Variants in TPSG1 observed in about 807,000 individuals in gnomAD.
TPSG1 encodes the protein tryptase gamma.
In TPSG1, 43 loss-of-function variants were observed where a neutral mutation model predicts 23.8. That is an observed-to-expected ratio of 1.81 (90% confidence interval 1.42 to 2.33). The LOEUF (loss-of-function observed/expected upper bound fraction) is 2.33. TPSG1 is among the 30% of genes most tolerant of loss of function. The probability of loss-of-function intolerance (pLI) is 0.00; values close to 1 mark genes in which losing one functional copy is unlikely to be tolerated. For synonymous variants in TPSG1, 302 were observed against 201.3 expected (o/e 1.50, Z -4.23); for missense variants, 623 against 438.6 (o/e 1.42, Z -3.75).
chr16:1,225,036 A>T (rs2030072714), intron 1 of TPSG1, among the ~76,000 whole-genome samples, 171 bp downstream of exon 1: 1 of 150,408 alleles, frequency 6.6e-6, no homozygotes, highest in Non-Finnish European at 1.5e-5. Flanking sequence ...CAGCACGGAC[A>T]GCTGGGCCTC....
intron 1 of TPSG1, 149 bp from the exon 2 acceptor site, chr16:1,224,777 T>C: frequency 1.1e-6 from 1 of 932,814 alleles, no homozygotes; most frequent in South Asian, 1.6e-5. Context: ...CTGGGTCAAC[T>C]GCTGTCTCAC....
rs201032433 is a variant in TPSG1 at position 1,222,349 on chromosome 16, G to C, written c.512-8C>G. The C allele has an allele frequency of 3.8e-6, 6 of 1,578,794 alleles. No homozygotes were observed. The highest frequency in any genetic ancestry group is 2.3e-5 in the East Asian group (1 of 44,382). Reference sequence around the variant, plus strand: ...ACGGGGGTGGCAGAGGCTCTGGGGTGGGGGGAACAGGCTTCAGAGAAGGTT... The same window carrying C: ...ACGGGGGTGGCAGAGGCTCTGGGGTCGGGGGAACAGGCTTCAGAGAAGGTT... On this transcript the variant is annotated splice_polypyrimidine_tract_variant and splice_region_variant and intron_variant, in intron 4 of 5. Coordinates refer to ENST00000234798, the MANE Select transcript of TPSG1 (RefSeq NM_012467.4).
chr16:1,222,209 C>G lies in TPSG1; in HGVS notation c.644G>C (p.Gly215Ala), dbSNP rs758934321. ...QPDMLCARGP[G>A]DACQDDSGGP... ...TGGCAGGCTCACCTGGCAGGCATCC[C>G]CGGGGCCCCGGGCACACAGCATGTC... The change falls in exon 5 of 6, where the codon GGG becomes GCG. Residue 215 changes from glycine (G) to alanine (A), a missense_variant. By Grantham distance (60) the Gly-to-Ala change is moderately conservative (BLOSUM62 0). Coordinates refer to ENST00000234798, the MANE Select transcript of TPSG1 (RefSeq NM_012467.4). 4 of 1,611,486 alleles carry G rather than the reference C, an allele frequency of 2.5e-6. No homozygotes were observed. Among genetic ancestry groups the G allele is most frequent in the African/African-American group, 2.7e-5 (2 of 74,904 alleles).
Position 1,222,067 on chromosome 16 carries a change from C to T in TPSG1, c.687G>A (p.Gln229=). ...CAGCCTGCACCCAGGCACCGTTCACCTGGCAGACCAGAGGCCCCCCGGAGT... is the reference window on the plus strand; with the variant it reads ...CAGCCTGCACCCAGGCACCGTTCACTTGGCAGACCAGAGGCCCCCCGGAGT... ...QDDSGGPLVC[Q]VNGAWVQAGT... The change falls in exon 6 of 6, where the codon CAG becomes CAA. Residue 229 remains glutamine, a synonymous_variant. Transcript: ENST00000234798. 2 of 1,612,834 alleles carry T rather than the reference C, an allele frequency of 1.2e-6. No homozygotes were observed. The highest frequency in any genetic ancestry group is 1.7e-6 in the Non-Finnish European group (2 of 1,180,004).
At position 1,225,208 on chromosome 16, in the gene TPSG1, G is replaced by A. The variant is rs200447029; in HGVS notation, c.45C>T (p.Pro15=). ...CCACACCCAGGCCAGGTCACCCACC[G>A]GGCACAGCCAGGAGCAGCAGGAGGC... ...ACGLLLLLAV[P]GVSLRTLQPG... Residue 15 remains proline (P), a splice_region_variant and synonymous_variant, in exon 1 of 6, where the codon CCC becomes CCT. Coordinates refer to ENST00000234798, the MANE Select transcript of TPSG1 (RefSeq NM_012467.4). 3.0e-4 allele frequency: 468 copies of A among 1,576,780 alleles called. 1 individual carries two copies. Among genetic ancestry groups the A allele is most frequent in the Admixed American group, 1.2e-3 (66 of 54,580 alleles).
chr16:1,222,794 G>A lies in TPSG1; in HGVS notation c.369C>T (p.Ser123=), dbSNP rs371806021. 5.1e-5 allele frequency: 82 copies of A among 1,612,136 alleles called. No individual in the cohort carries two copies. The highest frequency in any genetic ancestry group is 6.8e-5 in the Non-Finnish European group (80 of 1,179,824). Residue 123 remains serine (S), a synonymous_variant, in exon 4 of 6, where the codon AGC becomes AGT. Transcript: ENST00000234798. ...HSSPSGQPGT[S]GDIALVELSV... ...TGAGCTCCACCAGGGCGATGTCCCC[G>A]CTGGTCCCCGGCTGTCCTGAGGGGC... is the stretch of plus-strand genomic sequence containing the variant.
At chr16:1,223,892 T>G in intron 2 of TPSG1, 1 of 453,466 alleles carries the variant, frequency 2.2e-6, no homozygotes, top group Non-Finnish European at 3.9e-6. Flanking sequence ...AGAAAGGGGC[T>G]CAGAACGGTG....
At chr16:1,222,506 T>C in intron 4 of TPSG1, 146 bp downstream of exon 4, 1 of 1,309,234 alleles carries the variant, frequency 7.6e-7, no homozygotes, top group Non-Finnish European at 1.0e-6. Flanking sequence ...CACGACAGGC[T>C]TTGAAAAGGG....
In TPSG1 at chr16:1,222,543, G is replaced by A. The variant is rs377338475; in HGVS notation, c.511+109C>T. Reference sequence around the variant, plus strand: ...CAGCCGATAGGGGCGGCCTTGGCTGGGTGTGGAAGCCACCAGGAGCAGGTG... The same window carrying A: ...CAGCCGATAGGGGCGGCCTTGGCTGAGTGTGGAAGCCACCAGGAGCAGGTG... On this transcript the variant is annotated intron_variant, in intron 4 of 5. Transcript: ENST00000234798. 8.3e-6 allele frequency: 12 copies of A among 1,450,700 alleles called. 1 individual carries two copies. The African/African-American group carries it at 1.4e-4, about 17-fold the overall frequency. The allele number at this position is 1,450,700 out of a possible 1,614,324, so 89.9% of individuals were successfully genotyped here.
At chr16:1,223,654 C>T (rs1482669354) in intron 2 of TPSG1, 60 bp from the exon 3 acceptor site, 2 of 1,506,660 alleles carry the variant, frequency 1.3e-6, no homozygotes, top group East Asian at 5.0e-5. Flanking sequence ...TGCACTTCCT[C>T]CATGAAGCCT....
At chr16:1,223,269 G>A (rs546243543) in intron 3 of TPSG1, among the ~76,000 whole-genome samples, 154 bp downstream of exon 3, 15 of 152,358 alleles carry the variant, frequency 9.8e-5, no homozygotes, top group South Asian at 2.1e-4. Flanking sequence ...CTCACAGAAG[G>A]TGGGCAACCA....
intron 1 of TPSG1, chr16:1,224,845 G>A (rs1329581676): frequency 9.5e-6 from 6 of 629,988 alleles, no homozygotes; most frequent in Non-Finnish European, 1.7e-5. Context: ...GAGGCCGGGA[G>A]CTTGGCCTCA....
intron 3 of TPSG1, 133 bp downstream of exon 3, chr16:1,223,286 CCCTT>C: frequency 8.4e-7 from 1 of 1,188,478 alleles, no homozygotes; most frequent in South Asian, 1.6e-5. Flanking sequence ...ACCAGCTCCT[CCCTT>C]TCCATTGGAA....
At chr16:1,224,514 G>A (rs2141424155) in intron 2 of TPSG1, 88 bp downstream of exon 2, 7 of 1,566,548 alleles carry the variant, frequency 4.5e-6, no homozygotes, top group Non-Finnish European at 6.1e-6. Context: ...CCCCCATTGG[G>A]ACCCCAGGGA....
At chr16:1,223,680 C>T (rs774908719) in intron 2 of TPSG1, 86 bp from the exon 3 acceptor site, 312 of 1,445,706 alleles carry the variant, frequency 2.2e-4, no homozygotes, top group African/African-American at 2.0e-3. Context: ...GACCACACCT[C>T]CCTGCCTTCT....
At chr16:1,222,944 G>A (rs2141421715) in intron 3 of TPSG1, 27 bp from the exon 4 acceptor site, 1 of 1,576,444 alleles carries the variant, frequency 6.3e-7, no homozygotes, top group South Asian at 1.2e-5. Context: ...CTGGGTGAGA[G>A]GGGCCAGCTG....
chr16:1,224,839 C>T (rs957530597), intron 1 of TPSG1: 15 of 637,986 alleles, frequency 2.4e-5, no homozygotes, highest in South Asian at 3.9e-5. Flanking sequence ...CAGCTGGAGG[C>T]CGGGAGCTTG....
chr16:1,223,729 C>T (rs2029986576), intron 2 of TPSG1, 135 bp from the exon 3 acceptor site: 1 of 1,093,252 alleles, frequency 9.1e-7, no homozygotes, highest in Admixed American at 3.0e-5. Context: ...CTGCCAGACT[C>T]TCCCCAGAAG....
chr16:1,223,911 G>T, intron 2 of TPSG1: 1 of 416,372 alleles, frequency 2.4e-6, no homozygotes, highest in East Asian at 5.0e-5. Context: ...TGGAGCCCCC[G>T]AGAAGGCCCG....
Sources: gnomAD v4.1 joint callset for allele counts (sites outside exome capture counted in the v4.1 genomes callset) on GRCh38, gnomAD v4.1.1 for gene constraint, MANE v1.5 for transcripts, NCBI Gene and HGNC (gene_info 2026-07-23, HGNC 2026-07-21) for gene names.